Variants in SNX6 observed in about 807,000 individuals in gnomAD.
SNX6 encodes the protein sorting nexin-6.
Under a neutral mutation model 63.0 loss-of-function variants are expected in SNX6, and 34 were observed. The observed-to-expected ratio is 0.54, with a 90% CI of 0.41 to 0.72. SNX6 has a LOEUF of 0.72. Ranked by LOEUF, SNX6 falls within the 30% of genes least tolerant of loss-of-function variation. The probability of loss-of-function intolerance (pLI) is 0.00; values close to 1 mark genes in which losing one functional copy is unlikely to be tolerated. For missense variants in SNX6, 398 were observed against 471.4 expected, an observed-to-expected ratio of 0.84 and a Z score of 1.44; for synonymous variants, 170 against 164.2, an observed-to-expected ratio of 1.04 and a Z score of -0.27.
intron 9 of SNX6, among the ~76,000 whole-genome samples, chr14:34,583,034 C>T (rs1178472651): frequency 2.0e-5 from 3 of 151,640 alleles, no homozygotes; most frequent in African/African-American, 4.8e-5. Flanking sequence ...TGGCTGGGTG[C>T]GGTGGCTCAT....
chr14:34,578,667 G>A (rs149639546), intron 10 of SNX6, among the ~76,000 whole-genome samples: 3,305 of 146,638 alleles, frequency 0.023, 53 homozygotes, highest in Middle Eastern at 0.064. Flanking sequence ...GGGGCCAGGT[G>A]CGGTGGCTCA....
Position 34,575,831 on chromosome 14 carries a change from T to C in SNX6, c.846A>G (p.Ala282=), listed in dbSNP as rs753231348. ...ELFDKTRKIE[A]RVSADEDLKL... is the part of the protein sequence containing the mutation. ...TGAGGTCTTCATCAGCAGACACTCG[T>C]GCTTCTATTTTCTGAAAAGAAGGAA... Residue 282 remains alanine, a synonymous_variant, in exon 11 of 14, where the codon GCA becomes GCG. Transcript: ENST00000362031. 9.5e-6 allele frequency: 15 copies of C among 1,580,522 alleles called. No individual in the cohort carries two copies. In the East Asian group the frequency reaches 3.0e-4, roughly 31 times the overall value.
chr14:34,603,322 T>C, intron 6 of SNX6, 26 bp downstream of exon 6: 1 of 1,567,226 alleles, frequency 6.4e-7, no homozygotes, highest in Non-Finnish European at 8.6e-7. Flanking sequence ...AAAGAAAACT[T>C]GACCACCAAT....
chr14:34,565,785 G>T (rs1204324642), intron 13 of SNX6, among the ~76,000 whole-genome samples: 8 of 152,078 alleles, frequency 5.3e-5, no homozygotes, highest in Non-Finnish European at 1.0e-4. Flanking sequence ...CGCCTCCCGG[G>T]TTCATGCCAT....
intron 6 of SNX6, among the ~76,000 whole-genome samples, chr14:34,599,015 A>T (rs1882705683): frequency 6.6e-6 from 1 of 152,170 alleles, no homozygotes; most frequent in Non-Finnish European, 1.5e-5. Flanking sequence ...TCCTTCTGCT[A>T]TGTGAGGACA....
At chr14:34,626,253 GTTT>G (rs200262070) in intron 2 of SNX6, among the ~76,000 whole-genome samples, 1 of 151,974 alleles carries the variant, frequency 6.6e-6, no homozygotes, top group Non-Finnish European at 1.5e-5. Flanking sequence ...TCTAATTCAG[GTTT>G]TTTTCCATTT....
intron 13 of SNX6, among the ~76,000 whole-genome samples, chr14:34,564,054 G>A (rs960663452): frequency 2.0e-5 from 3 of 151,888 alleles, no homozygotes; most frequent in African/African-American, 7.3e-5. Flanking sequence ...TTGAGACAGA[G>A]TCTTGCTTTG....
At chr14:34,564,456 C>A (rs1881078162) in intron 13 of SNX6, among the ~76,000 whole-genome samples, 1 of 152,174 alleles carries the variant, frequency 6.6e-6, no homozygotes, top group South Asian at 2.1e-4. Flanking sequence ...AGAATCACCT[C>A]TGGTTGAGTA....
chr14:34,593,341 T>C (rs755991461), intron 7 of SNX6, among the ~76,000 whole-genome samples, 191 bp from the exon 8 acceptor site: 3 of 152,088 alleles, frequency 2.0e-5, no homozygotes, highest in Non-Finnish European at 4.4e-5. Context: ...TAAGAAATCT[T>C]CTATGACTTT....
At chr14:34,594,907 C>T (rs1882538671) in intron 7 of SNX6, among the ~76,000 whole-genome samples, 1 of 151,832 alleles carries the variant, frequency 6.6e-6, no homozygotes, top group Admixed American at 6.6e-5. Context: ...GCCTGGGCAA[C>T]ATGGCAAAAC....
chr14:34,563,297 G>C, intron 13 of SNX6, 122 bp from the exon 14 acceptor site: 1 of 872,562 alleles, frequency 1.1e-6, no homozygotes, highest in Non-Finnish European at 1.8e-6. Context: ...GGTGGCTCAT[G>C]CCTGTAATCC....
At chr14:34,573,584 AC>A (rs1433331882) in intron 11 of SNX6, among the ~76,000 whole-genome samples, 2 of 151,796 alleles carry the variant, frequency 1.3e-5, no homozygotes, top group African/African-American at 4.8e-5. Flanking sequence ...TAAAAAAAAA[AC>A]AAATTGTTTT....
At chr14:34,567,276 C>T (rs569669483) in intron 13 of SNX6, among the ~76,000 whole-genome samples, 5 of 151,568 alleles carry the variant, frequency 3.3e-5, no homozygotes, top group South Asian at 2.1e-4. Flanking sequence ...CATTTGAGGA[C>T]GGGATTTCGA....
chr14:34,622,569 C>CAAAAAAA (rs35554563), intron 2 of SNX6, among the ~76,000 whole-genome samples: 1 of 99,712 alleles, frequency 1.0e-5, no homozygotes. Context: ...GGCAATAGAG[C>CAAAAAAA]AAAAAAAAAA....
At chr14:34,615,923 T>A (rs1238573892) in intron 2 of SNX6, among the ~76,000 whole-genome samples, 2 of 152,138 alleles carry the variant, frequency 1.3e-5, no homozygotes, top group Non-Finnish European at 2.9e-5. Context: ...TAGATGCATA[T>A]TTTTTATAAC....
rs1258406050 is a variant in SNX6 at position 34,562,202 on chromosome 14, C to T, written c.*920G>A. On this transcript the variant is annotated 3_prime_UTR_variant, in exon 14 of 14. Transcript: ENST00000362031. ...CATGCTTAATTGGCTGAGCTAGGCG[C>T]GGAATCCGGGAAACCACAACAGACT... is the stretch of plus-strand genomic sequence containing the variant. The T allele has an allele frequency of 6.6e-6, 1 of 151,928 alleles. No homozygotes were observed. The highest frequency in any genetic ancestry group is 2.4e-5 in the African/African-American group (1 of 41,270). The allele number at this position is 151,928 out of a possible 1,614,324, so 9.4% of individuals were successfully genotyped here.
intron 6 of SNX6, among the ~76,000 whole-genome samples, chr14:34,602,553 G>A (rs1594732655): frequency 6.8e-6 from 1 of 145,992 alleles, no homozygotes; most frequent in African/African-American, 2.5e-5. Flanking sequence ...ATTGCGCCAC[G>A]GCACTTCAGC....
At position 34,620,357 on chromosome 14, in the gene SNX6, G is replaced by A. The variant is rs954712409; in HGVS notation, c.54+9550C>T. On this transcript the variant is annotated intron_variant, in intron 2 of 13. Transcript: ENST00000362031. ...CAGCTGGTCATGGTGGCACACGCCT[G>A]TAGTCCCAGCTACTTGGGAAGCTGA... Among the ~76,000 whole-genome samples, 7 of 152,304 alleles carry A rather than the reference G, an allele frequency of 4.6e-5. No homozygotes were observed. In the South Asian group the frequency reaches 1.0e-3, roughly 23 times the overall value.
At chr14:34,615,298 C>G (rs749051085) in intron 2 of SNX6, among the ~76,000 whole-genome samples, 1 of 152,074 alleles carries the variant, frequency 6.6e-6, no homozygotes, top group African/African-American at 2.4e-5. Flanking sequence ...AATATATAGG[C>G]CACCTACCAT....
Sources: allele counts gnomAD v4.1 joint callset (sites outside exome capture counted in the v4.1 genomes callset), GRCh38; gene constraint gnomAD v4.1.1; transcripts MANE v1.5; gene names NCBI Gene and HGNC (gene_info 2026-07-23, HGNC 2026-07-21).